TASP1: variants seen among roughly 807,000 people sequenced by gnomAD.
The protein encoded by TASP1 is threonine aspartase 1.
Under a neutral mutation model 56.6 loss-of-function variants are expected in TASP1, and 16 were observed. The ratio of observed to expected loss-of-function variants is 0.28; its 90% confidence interval spans 0.19 to 0.43. The LOEUF is 0.43. Ranked by LOEUF, TASP1 falls within the 20% of genes least tolerant of loss-of-function variation. TASP1 has a pLI of 1.00. For missense variants in TASP1, 393 were observed against 511.6 expected (o/e 0.77, Z 2.24); for synonymous variants, 179 against 184.2 (o/e 0.97, Z 0.23).
intron 11 of TASP1, among the ~76,000 whole-genome samples, chr20:13,455,477 C>T (rs139413954): frequency 6.6e-6 from 1 of 151,984 alleles, no homozygotes; most frequent in Non-Finnish European, 1.5e-5. Flanking sequence ...ATCAATTCTA[C>T]TAAAGTTGAA....
At position 13,403,780 on chromosome 20, in the gene TASP1, G is replaced by A. The variant is rs1210802768; in HGVS notation, c.1171-13328C>T. Among the ~76,000 whole-genome samples the A allele has an allele frequency of 2.6e-5, 4 of 152,140 alleles. No individual in the cohort carries two copies. The East Asian group carries it at 7.7e-4, about 29-fold the overall frequency. ...CCCTGCAGTCCTAGTTACTAGGGAGGCTGAGGCTGGAGGATCTCTTGAACC... is the reference window on the plus strand; with the variant it reads ...CCCTGCAGTCCTAGTTACTAGGGAGACTGAGGCTGGAGGATCTCTTGAACC... On this transcript the variant is annotated intron_variant, in intron 13 of 13. Transcript: ENST00000337743.
chr20:13,456,459 C>T (rs570582380), intron 11 of TASP1, among the ~76,000 whole-genome samples: 2 of 151,982 alleles, frequency 1.3e-5, no homozygotes, highest in East Asian at 1.9e-4. Flanking sequence ...TGTTTGCTAT[C>T]CTAAAGAAAA....
intron 12 of TASP1, among the ~76,000 whole-genome samples, chr20:13,430,055 A>C (rs1457462790): frequency 6.6e-6 from 1 of 152,128 alleles, no homozygotes; most frequent in South Asian, 2.1e-4. Flanking sequence ...GGTGAGGGAA[A>C]CTTGATTACA....
chr20:13,399,916 C>T lies in TASP1; in HGVS notation c.1171-9464G>A, dbSNP rs77062940. On this transcript the variant is annotated intron_variant, in intron 13 of 13. Transcript: ENST00000337743. ...CTCCAACACACCAGGCACACTCCTA[C>T]TTGAGAGTGTTTGCACCTGCTATTC... Among the ~76,000 whole-genome samples, 898 of 152,320 alleles carry T rather than the reference C, an allele frequency of 5.9e-3. 7 individuals carry two copies. Among genetic ancestry groups the T allele is most frequent in the Non-Finnish European group, 1.0e-2 (678 of 68,016 alleles).
In TASP1 at chr20:13,463,227, T is replaced by C. The variant is rs138443003; in HGVS notation, c.985+20000A>G. On this transcript the variant is annotated intron_variant, in intron 11 of 13. Coordinates refer to ENST00000337743, the MANE Select transcript of TASP1 (RefSeq NM_017714.3). Reference sequence around the variant, plus strand: ...GAAATAAACACTCATATGTGTTTAATGATTTTTCAAGACGGGTGTCAAGAC... The same window carrying C: ...GAAATAAACACTCATATGTGTTTAACGATTTTTCAAGACGGGTGTCAAGAC... Among the ~76,000 whole-genome samples, 7 of 152,252 alleles carry C rather than the reference T, an allele frequency of 4.6e-5. No individual in the cohort carries two copies. The East Asian group carries it at 7.7e-4, about 17-fold the overall frequency.
chr20:13,348,618 C>CT, the TASP1 span, among the ~76,000 whole-genome samples: 8 of 152,326 alleles, frequency 5.3e-5, no homozygotes, highest in Admixed American at 5.2e-4. Flanking sequence ...GCTGACACCA[C>CT]TGTATGGGTG....
At chr20:13,231,658 C>A in the TASP1 span, among the ~76,000 whole-genome samples, 1 of 152,310 alleles carries the variant, frequency 6.6e-6, no homozygotes, top group East Asian at 1.9e-4. Flanking sequence ...GACTCATGCA[C>A]ATTTTAGTAA....
At chr20:13,578,486 T>A (rs1425158802) in intron 6 of TASP1, among the ~76,000 whole-genome samples, 3 of 152,120 alleles carry the variant, frequency 2.0e-5, no homozygotes, top group African/African-American at 7.2e-5. Context: ...TAGGTATACA[T>A]CTTCACTTGT....
At chr20:13,274,348 C>T in the TASP1 span, among the ~76,000 whole-genome samples, 22 of 152,286 alleles carry the variant, frequency 1.4e-4, no homozygotes, top group East Asian at 2.7e-3. Context: ...CTGCCGGCCC[C>T]GTCAAAGCAT....
the TASP1 span, among the ~76,000 whole-genome samples, chr20:13,162,812 G>C: frequency 2.0e-5 from 3 of 152,056 alleles, no homozygotes; most frequent in Admixed American, 2.0e-4. Flanking sequence ...TGCTTCCTTA[G>C]AGTCATCTCA....
At chr20:13,536,907 T>C (rs1473743525) in intron 8 of TASP1, among the ~76,000 whole-genome samples, 2 of 152,096 alleles carry the variant, frequency 1.3e-5, no homozygotes, top group African/African-American at 2.4e-5. Flanking sequence ...GATTGTAGAA[T>C]GGCAGAAATC....
At chr20:13,360,537 T>A in the TASP1 span, among the ~76,000 whole-genome samples, 1 of 152,142 alleles carries the variant, frequency 6.6e-6, no homozygotes, top group Non-Finnish European at 1.5e-5. Context: ...CCACACCCTG[T>A]AGCCTTTCTG....
the TASP1 span, among the ~76,000 whole-genome samples, chr20:13,353,267 T>C: frequency 6.9e-6 from 1 of 144,166 alleles, no homozygotes; most frequent in Non-Finnish European, 1.5e-5. Context: ...AAAAAAAAAA[T>C]GCCTTCCCTG....
At chr20:13,296,786 G>A in the TASP1 span, among the ~76,000 whole-genome samples, 1 of 152,134 alleles carries the variant, frequency 6.6e-6, no homozygotes, top group Non-Finnish European at 1.5e-5. Flanking sequence ...TTGGGAGTCC[G>A]AGGTGGGTGG....
chr20:13,282,316 G>C, the TASP1 span, among the ~76,000 whole-genome samples: 4 of 152,212 alleles, frequency 2.6e-5, no homozygotes, highest in Non-Finnish European at 5.9e-5. Context: ...GTCTAGAAGT[G>C]AGACCTGGAG....
chr20:13,140,084 G>T, the TASP1 span, among the ~76,000 whole-genome samples: 1 of 152,112 alleles, frequency 6.6e-6, no homozygotes, highest in African/African-American at 2.4e-5. Context: ...TTCCTCAGAA[G>T]AAATTAAAAT....
At chr20:13,441,232 G>T (rs1373022204) in intron 11 of TASP1, among the ~76,000 whole-genome samples, 4 of 152,082 alleles carry the variant, frequency 2.6e-5, no homozygotes, top group Admixed American at 2.6e-4. Context: ...TCCTGCTCTA[G>T]TCATTCAAAT....
At chr20:13,421,413 A>G (rs2042430164) in intron 12 of TASP1, among the ~76,000 whole-genome samples, 1 of 152,094 alleles carries the variant, frequency 6.6e-6, no homozygotes, top group African/African-American at 2.4e-5. Flanking sequence ...GAGAAAAATG[A>G]AAGTCAAGAG....
intron 11 of TASP1, among the ~76,000 whole-genome samples, chr20:13,449,468 C>T (rs2043535775): frequency 6.6e-6 from 1 of 152,150 alleles, no homozygotes; most frequent in Non-Finnish European, 1.5e-5. Context: ...TAGAGGCCTT[C>T]TAGCACGCTT....
Sources: gnomAD v4.1 joint callset for allele counts (sites outside exome capture counted in the v4.1 genomes callset) on GRCh38, gnomAD v4.1.1 for gene constraint, MANE v1.5 for transcripts, NCBI Gene and HGNC (gene_info 2026-07-23, HGNC 2026-07-21) for gene names.